LAMC1: variants seen among roughly 807,000 people sequenced by gnomAD.
LAMC1 encodes laminin subunit gamma-1.
Under a neutral mutation model 173.6 loss-of-function variants are expected in LAMC1, and 38 were observed. That is an observed-to-expected ratio of 0.22 (90% CI 0.17 to 0.29). The LOEUF (loss-of-function observed/expected upper bound fraction) is 0.29, where lower values mean the gene tolerates loss of function less well. Among genes scored for constraint, LAMC1 ranks in the 10% least tolerant of loss-of-function variants. The pLI is 1.00. For missense variants in LAMC1, 1,824 were observed against 2,051.8 expected (o/e 0.89, Z 2.14); for synonymous variants, 746 against 749.1 (o/e 1.00, Z 0.07).
intron 1 of LAMC1, among the ~76,000 whole-genome samples, chr1:183,098,874 A>G (rs138636158): frequency 1.4e-4 from 22 of 152,198 alleles, no homozygotes; most frequent in African/African-American, 2.9e-4. Flanking sequence ...TCCAGCTTCT[A>G]TTTTTCACCT....
At chr1:183,100,678 T>G (rs1425910336) in intron 1 of LAMC1, among the ~76,000 whole-genome samples, 3 of 152,338 alleles carry the variant, frequency 2.0e-5, no homozygotes, top group Admixed American at 1.3e-4. Context: ...AAACATGATG[T>G]ACTTCCCCTG....
intron 18 of LAMC1, among the ~76,000 whole-genome samples, chr1:183,129,599 A>AC: frequency 6.6e-6 from 1 of 150,884 alleles, no homozygotes; most frequent in East Asian, 1.9e-4. Context: ...GAAAATTTAG[A>AC]CCCCAACACC....
At chr1:183,050,865 T>C (rs1331839348) in intron 1 of LAMC1, among the ~76,000 whole-genome samples, 1 of 126,070 alleles carries the variant, frequency 7.9e-6, no homozygotes, top group East Asian at 2.2e-4. Context: ...CATTCCAGCC[T>C]GGGCAACAGG....
chr1:183,048,892 C>T (rs1339781131), intron 1 of LAMC1, among the ~76,000 whole-genome samples: 1 of 152,104 alleles, frequency 6.6e-6, no homozygotes, highest in East Asian at 1.9e-4. Flanking sequence ...TCGAAAATAC[C>T]AGGTATCACT....
intron 1 of LAMC1, among the ~76,000 whole-genome samples, chr1:183,083,501 T>C (rs1220897227): frequency 6.6e-6 from 1 of 152,222 alleles, no homozygotes; most frequent in Non-Finnish European, 1.5e-5. Flanking sequence ...ATGTAGGTCA[T>C]TCTCACACAG....
At chr1:183,060,836 G>C (rs1396660570) in intron 1 of LAMC1, among the ~76,000 whole-genome samples, 1 of 152,208 alleles carries the variant, frequency 6.6e-6, no homozygotes, top group African/African-American at 2.4e-5. Context: ...GTGCTATTGT[G>C]ATGGCAAGAA....
intron 1 of LAMC1, among the ~76,000 whole-genome samples, chr1:183,103,102 A>G (rs1317088716): frequency 6.6e-6 from 1 of 152,198 alleles, no homozygotes; most frequent in Non-Finnish European, 1.5e-5. Context: ...ACATTTCCAC[A>G]ATGCACATCA....
In LAMC1 at chr1:183,101,351, C is replaced by T. The variant is rs186873789; in HGVS notation, c.419-1977C>T. ...AAAGGTGATGTCTTGACATTTTTGA[C>T]GCAACAAAGAGATACAGGTAAAACT... On this transcript the variant is annotated intron_variant, in intron 1 of 27. Transcript: ENST00000258341. 2.6e-5 allele frequency among the ~76,000 whole-genome samples: 4 copies of T among 151,474 alleles called. No individual in the cohort carries two copies. The East Asian group carries it at 5.8e-4, about 22-fold the overall frequency.
At position 183,052,300 on chromosome 1, in the gene LAMC1, T is replaced by TA. The variant is rs1402079472; in HGVS notation, c.418+28167dup. 5.3e-5 allele frequency among the ~76,000 whole-genome samples: 8 copies of TA among 152,268 alleles called. No homozygotes were observed. In the South Asian group the frequency reaches 1.7e-3, roughly 32 times the overall value. Reference sequence around the variant, plus strand: ...ACTCTGCTAATTGATATTCTGGTCATACTAAAAGGCTAATCTATCTATCTT... The same window carrying TA: ...ACTCTGCTAATTGATATTCTGGTCATAACTAAAAGGCTAATCTATCTATCTT... On this transcript the variant is annotated intron_variant, in intron 1 of 27. Coordinates refer to ENST00000258341, the MANE Select transcript of LAMC1 (RefSeq NM_002293.4).
At chr1:183,036,003 T>C (rs1653969550) in intron 1 of LAMC1, among the ~76,000 whole-genome samples, 1 of 152,168 alleles carries the variant, frequency 6.6e-6, no homozygotes, top group Admixed American at 6.5e-5. Context: ...TAAATGATTC[T>C]CACCTTTCCC....
intron 1 of LAMC1, among the ~76,000 whole-genome samples, chr1:183,068,596 C>G (rs950279877): frequency 6.6e-6 from 1 of 152,158 alleles, no homozygotes; most frequent in Admixed American, 6.5e-5. Flanking sequence ...GCATATCCAG[C>G]ACTCAAGGCA....
chr1:183,133,423 A>T lies in LAMC1; in HGVS notation c.3722A>T (p.Asn1241Ile), dbSNP rs758238704. Residue 1241 changes from asparagine (N) to isoleucine (I), a missense_variant, in exon 22 of 28, where the codon AAC (asparagine) becomes ATC (isoleucine). Physicochemically the swap from Asn to Ile is moderately radical, Grantham distance 149 (BLOSUM62 -3). Transcript: ENST00000258341. ...TGTCTTAGGTATGAACAAGCGAAGA[A>T]CATCTCACAGGATCTGGAAAAACAA... The part of the protein sequence containing the change: ...ELNRKYEQAK[N>I]ISQDLEKQAA... 2 of 1,613,866 alleles carry T rather than the reference A, an allele frequency of 1.2e-6. No homozygotes were observed. Among genetic ancestry groups the T allele is most frequent in the South Asian group, 2.2e-5 (2 of 91,012 alleles).
At position 183,144,477 on chromosome 1, in the gene LAMC1, T is replaced by G. The variant is rs1194465123; in HGVS notation, c.*1687T>G. ...GATTGTACTCCAAAGAATTGTGCCT[T>G]GTGTTTGCAGCATCTCCATTCTCTA... On this transcript the variant is annotated 3_prime_UTR_variant, in exon 28 of 28. Transcript: ENST00000258341. The G allele has an allele frequency of 1.3e-5, 2 of 152,524 alleles. No individual in the cohort carries two copies. The highest frequency in any genetic ancestry group is 2.9e-5 in the Non-Finnish European group (2 of 68,026). 9.4% of individuals were successfully genotyped at this position (152,524 alleles called of 1,614,324 possible).
Position 183,115,702 on chromosome 1 carries a change from A to G in LAMC1, c.1328+65A>G. On this transcript the variant is annotated intron_variant, in intron 6 of 27. Coordinates refer to ENST00000258341, the MANE Select transcript of LAMC1 (RefSeq NM_002293.4). ...ATATATAGTCAACACATATTAATAG[A>G]TCTTATGGCTTATTGGCAGCAGGGT... 3 of 1,052,282 alleles carry G rather than the reference A, an allele frequency of 2.9e-6. No individual in the cohort carries two copies. The South Asian group carries it at 3.8e-5, about 13-fold the overall frequency. The allele number at this position is 1,052,282 out of a possible 1,614,324, so 65.2% of individuals were successfully genotyped here. A position where few individuals can be genotyped will look rare whatever the true frequency, so the allele number is the denominator to read the frequency against.
At chr1:183,047,624 C>A (rs1017192053) in intron 1 of LAMC1, among the ~76,000 whole-genome samples, 11 of 152,060 alleles carry the variant, frequency 7.2e-5, no homozygotes, top group Admixed American at 5.2e-4. Flanking sequence ...GATAGATAGA[C>A]CCATGTGTAA....
chr1:183,128,353 G>C (rs1656676771), intron 17 of LAMC1, among the ~76,000 whole-genome samples: 1 of 151,948 alleles, frequency 6.6e-6, no homozygotes, highest in South Asian at 2.1e-4. Flanking sequence ...AAGTAGACAT[G>C]CATGGAGTGG....
chr1:183,091,483 T>G (rs1655564611), intron 1 of LAMC1, among the ~76,000 whole-genome samples: 2 of 152,144 alleles, frequency 1.3e-5, no homozygotes, highest in African/African-American at 4.8e-5. Context: ...CCTACCTCCC[T>G]CCCTCTGCCC....
intron 1 of LAMC1, among the ~76,000 whole-genome samples, chr1:183,026,399 T>G (rs1254453914): frequency 6.6e-6 from 1 of 152,040 alleles, no homozygotes; most frequent in Non-Finnish European, 1.5e-5. Context: ...GGTTTCTCTT[T>G]CTGTCCTCCC....
At chr1:183,118,709 T>C (rs940611527) in intron 11 of LAMC1, among the ~76,000 whole-genome samples, 1 of 148,984 alleles carries the variant, frequency 6.7e-6, no homozygotes, top group South Asian at 2.2e-4. Context: ...GGCGACAGAA[T>C]GAGAATCTGT....
Sources: gnomAD v4.1 joint callset for allele counts (sites outside exome capture counted in the v4.1 genomes callset) on GRCh38, gnomAD v4.1.1 for gene constraint, MANE v1.5 for transcripts, NCBI Gene and HGNC (gene_info 2026-07-23, HGNC 2026-07-21) for gene names.